SCAMP4: variants seen among roughly 807,000 people sequenced by gnomAD.
The protein encoded by SCAMP4 is secretory carrier membrane protein 4.
A neutral mutation model predicts 32.1 loss-of-function variants in SCAMP4; 19 were observed. The ratio of observed to expected loss-of-function variants is 0.59; its 90% CI spans 0.41 to 0.87. The LOEUF is 0.87. Ranked by LOEUF, SCAMP4 falls within the 40% of genes least tolerant of loss-of-function variation. The pLI, the probability that SCAMP4 is intolerant of heterozygous loss-of-function variation, is 0.00. For synonymous variants in SCAMP4, 152 were observed against 132.7 expected (o/e 1.15, Z -1.00); for missense variants, 302 against 309.0 (o/e 0.98, Z 0.17).
chr19:1,915,932 G>A (rs1241570409), intron 2 of SCAMP4, among the ~76,000 whole-genome samples: 31 of 124,148 alleles, frequency 2.5e-4, no homozygotes, highest in African/African-American at 8.3e-4. Context: ...GTGACAGAGC[G>A]AGACTGTCTC....
At chr19:1,915,602 T>TA (rs1446310784) in intron 2 of SCAMP4, 1 of 160,760 alleles carries the variant, frequency 6.2e-6, no homozygotes, top group African/African-American at 2.4e-5. Flanking sequence ...GGAGTTAAGA[T>TA]AAAGTACTGG....
intron 1 of SCAMP4, chr19:1,912,716 G>A: frequency 6.6e-7 from 1 of 1,516,364 alleles, no homozygotes; most frequent in East Asian, 2.6e-5. Context: ...CGGACCGCGT[G>A]CTGGCCACCG....
intron 5 of SCAMP4, 171 bp downstream of exon 5, chr19:1,919,161 G>A (rs927079431): frequency 1.5e-5 from 22 of 1,436,754 alleles, no homozygotes; most frequent in East Asian, 7.7e-5. Flanking sequence ...GCCAGCGCCC[G>A]CGTCCTCGCC....
chr19:1,922,857 T>C (rs1348632207), intron 5 of SCAMP4: 6 of 1,291,848 alleles, frequency 4.6e-6, no homozygotes, highest in Non-Finnish European at 5.9e-6. Flanking sequence ...GGCTCACTGC[T>C]GCGATGGTGG....
At chr19:1,913,301 G>A (rs966975573) in intron 1 of SCAMP4, 6 of 1,222,176 alleles carry the variant, frequency 4.9e-6, no homozygotes, top group Admixed American at 5.9e-5. Flanking sequence ...GCTGCCTTCC[G>A]TGCGGATCGA....
chr19:1,911,496 C>T (rs1247614986), intron 1 of SCAMP4, among the ~76,000 whole-genome samples: 3 of 152,176 alleles, frequency 2.0e-5, no homozygotes, highest in African/African-American at 7.2e-5. Context: ...TTGAAAATGA[C>T]CTGTCTTGGC....
chr19:1,918,412 G>A, intron 4 of SCAMP4, 129 bp downstream of exon 4: 1 of 1,110,662 alleles, frequency 9.0e-7, no homozygotes, highest in Non-Finnish European at 1.2e-6. Context: ...CACATCTGGG[G>A]GTGGCAAACT....
chr19:1,917,634 G>A (rs1316602556), intron 2 of SCAMP4, 60 bp from the exon 3 acceptor site: 1 of 1,606,054 alleles, frequency 6.2e-7, no homozygotes, highest in Non-Finnish European at 8.5e-7. Flanking sequence ...GAAGGGATGA[G>A]GTGGGGCCTC....
In SCAMP4 at chr19:1,925,078, G is replaced by T. The variant is rs978593656; in HGVS notation, c.*794G>T. The T allele has an allele frequency of 6.7e-6, 1 of 148,972 alleles. No homozygotes were observed. Among genetic ancestry groups the T allele is most frequent in the Non-Finnish European group, 1.5e-5 (1 of 67,340 alleles). The allele number at this position is 148,972 out of a possible 1,614,324, so 9.2% of individuals were successfully genotyped here. ...CAGCAGCCGGAGCCCTGCAGGAGAG[G>T]CCTTTGTGTTTTGTTTTGTTTTGTT... On this transcript the variant is annotated 3_prime_UTR_variant, in exon 7 of 7. Transcript: ENST00000316097.
chr19:1,921,781 A>T, intron 5 of SCAMP4: 1 of 984,182 alleles, frequency 1.0e-6, no homozygotes, highest in Non-Finnish European at 1.2e-6. Context: ...AGGAGTTCAG[A>T]CTGGCCTGGG....
rs563502260 is a variant in SCAMP4 at position 1,923,008 on chromosome 19, C to T, written c.396-62C>T. 4,796 of 1,466,522 alleles carry T rather than the reference C, an allele frequency of 3.3e-3. 11 individuals carry two copies. The highest frequency in any genetic ancestry group is 6.1e-3 in the Admixed American group (262 of 43,226). 90.8% of individuals were successfully genotyped at this position (1,466,522 alleles called of 1,614,324 possible). A position where few individuals can be genotyped will look rare whatever the true frequency, so the allele number is the denominator to read the frequency against. On this transcript the variant is annotated intron_variant, in intron 5 of 6. Transcript: ENST00000316097. ...TCTTTACATGGGGAGGACCATGGGC[C>T]GGACCATGGGCCCTCATCCAGCAGG...
intron 2 of SCAMP4, among the ~76,000 whole-genome samples, chr19:1,917,306 A>C (rs536937804): frequency 3.3e-5 from 5 of 151,988 alleles, no homozygotes; most frequent in Admixed American, 2.6e-4. Context: ...ACTCCGTCTC[A>C]AAAAAAGAGT....
chr19:1,921,625 A>G (rs1199705238), intron 5 of SCAMP4: 1 of 985,426 alleles, frequency 1.0e-6, no homozygotes, highest in South Asian at 4.7e-5. Flanking sequence ...GAGTCCTCAA[A>G]TGCCTTTGCC....
chr19:1,918,316 A>G, intron 4 of SCAMP4, 33 bp downstream of exon 4: 1 of 1,551,128 alleles, frequency 6.4e-7, no homozygotes, highest in Non-Finnish European at 8.7e-7. Context: ...GTCTGCACCC[A>G]GAGGGAACCA....
chr19:1,918,010 C>G, intron 3 of SCAMP4, 117 bp from the exon 4 acceptor site: 1 of 1,407,692 alleles, frequency 7.1e-7, no homozygotes, highest in Non-Finnish European at 9.6e-7. Flanking sequence ...AGTTCATCCT[C>G]GACATGGGGT....
intron 1 of SCAMP4, chr19:1,912,861 GC>G: frequency 1.3e-6 from 2 of 1,598,824 alleles, no homozygotes; most frequent in Non-Finnish European, 1.7e-6. Flanking sequence ...CCCGGCCGCT[GC>G]CCCCCAGGCC....
chr19:1,921,245 G>A (rs978530118), intron 5 of SCAMP4: 45 of 985,200 alleles, frequency 4.6e-5, no homozygotes, highest in Admixed American at 6.1e-5. Flanking sequence ...GGCAAGAGGC[G>A]ACAGCCCCGC....
At chr19:1,919,262 GC>G in intron 5 of SCAMP4, 1 of 1,312,430 alleles carries the variant, frequency 7.6e-7, no homozygotes, top group Admixed American at 3.2e-5. Context: ...CCAGCGCCCA[GC>G]CAGGCTTGTC....
At chr19:1,923,832 A>C (rs965367707) in intron 6 of SCAMP4, among the ~76,000 whole-genome samples, 2 of 119,436 alleles carry the variant, frequency 1.7e-5, no homozygotes, top group East Asian at 3.8e-4. Flanking sequence ...TCACCGTGTT[A>C]GCCAGGATGG....
Sources: allele counts gnomAD v4.1 joint callset (sites outside exome capture counted in the v4.1 genomes callset), GRCh38; gene constraint gnomAD v4.1.1; transcripts MANE v1.5; gene names NCBI Gene and HGNC (gene_info 2026-07-23, HGNC 2026-07-21).